The following LPCAT2 variants were observed in gnomAD, a reference collection of about 807,000 sequenced individuals.
LPCAT2 encodes the protein lysophosphatidylcholine acyltransferase 2.
A neutral mutation model predicts 64.7 loss-of-function variants in LPCAT2; 58 were observed. The ratio of observed to expected loss-of-function variants is 0.90; its 90% CI spans 0.73 to 1.12. The LOEUF (loss-of-function observed/expected upper bound fraction) is 1.12, where lower values mean the gene tolerates loss of function less well. LPCAT2 is among the 50% of genes most tolerant of loss of function. The probability of loss-of-function intolerance (pLI) is 0.00; values close to 1 mark genes in which losing one functional copy is unlikely to be tolerated. For synonymous variants in LPCAT2, 252 were observed against 245.3 expected (o/e 1.03, Z -0.26); for missense variants, 579 against 669.8 (o/e 0.86, Z 1.50).
chr16:55,553,415 C>T (rs1963540565), intron 11 of LPCAT2, among the ~76,000 whole-genome samples: 1 of 152,182 alleles, frequency 6.6e-6, no homozygotes, highest in Non-Finnish European at 1.5e-5. Flanking sequence ...GCATCTTCAT[C>T]AGGAGTAGTT....
rs1217446572 is a variant in LPCAT2 at position 55,570,694 on chromosome 16, A to G, written c.1216-3937A>G. ...ATATTTGTGGAGGCACTTACAAAGT[A>G]TGGATATCTAATGTGCCTACTGATC... On this transcript the variant is annotated intron_variant, in intron 11 of 13. Coordinates refer to ENST00000262134, the MANE Select transcript of LPCAT2 (RefSeq NM_017839.5). Among the ~76,000 whole-genome samples the G allele has an allele frequency of 2.0e-5, 3 of 152,236 alleles. No homozygotes were observed. In the East Asian group the frequency reaches 5.8e-4, roughly 29 times the overall value.
At chr16:55,523,496 G>A (rs547585380) in intron 1 of LPCAT2, among the ~76,000 whole-genome samples, 5 of 151,856 alleles carry the variant, frequency 3.3e-5, no homozygotes, top group South Asian at 2.1e-4. Context: ...ATGTTCATAT[G>A]AGGTATAATA....
intron 13 of LPCAT2, among the ~76,000 whole-genome samples, chr16:55,582,104 TGC>T (rs1963892842): frequency 1.3e-5 from 2 of 152,146 alleles, no homozygotes; most frequent in African/African-American, 4.8e-5. Context: ...TTTTTTAAAT[TGC>T]TAGAAAGAAC....
chr16:55,552,859 G>A (rs1466436959), intron 11 of LPCAT2, among the ~76,000 whole-genome samples: 31 of 127,350 alleles, frequency 2.4e-4, no homozygotes, highest in South Asian at 5.4e-4. Flanking sequence ...GGTAGTTGCT[G>A]AAGGCTGGGC....
chr16:55,550,905 G>C, intron 10 of LPCAT2, 44 bp from the exon 11 acceptor site: 1 of 1,419,384 alleles, frequency 7.0e-7, no homozygotes, highest in Non-Finnish European at 9.4e-7. Flanking sequence ...CATGTGAATT[G>C]TAAAGGGCTA....
In LPCAT2 at chr16:55,534,484, C is replaced by T; in HGVS notation, c.797+7C>T. 2 of 1,398,834 alleles carry T rather than the reference C, an allele frequency of 1.4e-6. No homozygotes were observed. The highest frequency in any genetic ancestry group is 2.0e-6 in the Non-Finnish European group (2 of 1,018,196). The allele number at this position is 1,398,834 out of a possible 1,614,324, so 86.7% of individuals were successfully genotyped here. A position where few individuals can be genotyped will look rare whatever the true frequency, so the allele number is the denominator to read the frequency against. Reference sequence around the variant, plus strand: ...CATGGCAAGGATATACATTGTAAGTCACTTATGTCTATTATTAGTTTATAT... The same window carrying T: ...CATGGCAAGGATATACATTGTAAGTTACTTATGTCTATTATTAGTTTATAT... On this transcript the variant is annotated splice_region_variant and intron_variant, in intron 7 of 13. Coordinates refer to ENST00000262134, the MANE Select transcript of LPCAT2 (RefSeq NM_017839.5).
Position 55,586,241 on chromosome 16 carries a change from T to G in LPCAT2, c.*3143T>G, listed in dbSNP as rs1372794785. 5 of 152,116 alleles carry G rather than the reference T, an allele frequency of 3.3e-5. No individual in the cohort carries two copies. Among genetic ancestry groups the G allele is most frequent in the Non-Finnish European group, 7.4e-5 (5 of 68,022 alleles). The allele number at this position is 152,116 out of a possible 1,614,324, so 9.4% of individuals were successfully genotyped here. ...AGAACTTTTGCCCTTTTTACCCCAT[T>G]TACTGTAACTCTTGTTTCTAGGTAA... On this transcript the variant is annotated 3_prime_UTR_variant, in exon 14 of 14. Coordinates refer to ENST00000262134, the MANE Select transcript of LPCAT2 (RefSeq NM_017839.5).
chr16:55,547,940 G>C (rs576903355), intron 9 of LPCAT2, among the ~76,000 whole-genome samples: 2 of 152,116 alleles, frequency 1.3e-5, no homozygotes, highest in South Asian at 2.1e-4. Context: ...GCTAATTTTT[G>C]TATTTTTAGT....
intron 11 of LPCAT2, chr16:55,566,617 C>A: frequency 1.2e-6 from 1 of 854,168 alleles, no homozygotes; most frequent in Non-Finnish European, 1.8e-6. Context: ...GGATGTGAAA[C>A]ATCACATCAT....
chr16:55,582,793 T>A lies in LPCAT2; in HGVS notation c.1451-121T>A, dbSNP rs1311065002. 4.7e-6 allele frequency: 3 copies of A among 633,964 alleles called. 1 individual carries two copies. Among genetic ancestry groups the A allele is most frequent in the Non-Finnish European group, 8.1e-6 (3 of 368,292 alleles). 39.3% of individuals were successfully genotyped at this position (633,964 alleles called of 1,614,324 possible). A position where few individuals can be genotyped will look rare whatever the true frequency, so the allele number is the denominator to read the frequency against. ...GTACAACTTATATTTTCATCAGCAA[T>A]GTTTGTGTGTTGGGTAGTAGAATTT... On this transcript the variant is annotated intron_variant, in intron 13 of 13. Coordinates refer to ENST00000262134, the MANE Select transcript of LPCAT2 (RefSeq NM_017839.5).
intron 1 of LPCAT2, among the ~76,000 whole-genome samples, chr16:55,512,233 A>G (rs1962942667): frequency 6.6e-6 from 1 of 152,222 alleles, no homozygotes; most frequent in African/African-American, 2.4e-5. Flanking sequence ...TTTTCAAGTG[A>G]ATAATAATAA....
At chr16:55,534,800 A>G (rs938221437) in intron 7 of LPCAT2, among the ~76,000 whole-genome samples, 14 of 152,014 alleles carry the variant, frequency 9.2e-5, no homozygotes, top group African/African-American at 1.7e-4. Flanking sequence ...TTTTATTTCC[A>G]TTGCAGATTT....
At chr16:55,577,578 G>C (rs974206971) in intron 12 of LPCAT2, among the ~76,000 whole-genome samples, 2 of 152,058 alleles carry the variant, frequency 1.3e-5, no homozygotes, top group Non-Finnish European at 2.9e-5. Context: ...AAAGTGATTT[G>C]AACACTTTTG....
At chr16:55,564,752 C>T (rs1343087806) in intron 11 of LPCAT2, among the ~76,000 whole-genome samples, 2 of 151,880 alleles carry the variant, frequency 1.3e-5, no homozygotes, top group East Asian at 1.9e-4. Context: ...TCAGTGAAAA[C>T]AGAGGAAAAG....
chr16:55,523,663 G>T (rs1347446862), intron 1 of LPCAT2, among the ~76,000 whole-genome samples: 1 of 151,766 alleles, frequency 6.6e-6, no homozygotes, highest in African/African-American at 2.4e-5. Context: ...GATCAAGCCA[G>T]ATATAAAAGG....
intron 11 of LPCAT2, among the ~76,000 whole-genome samples, chr16:55,572,825 C>T (rs1218243867): frequency 6.6e-6 from 1 of 152,006 alleles, no homozygotes; most frequent in Non-Finnish European, 1.5e-5. Flanking sequence ...AGAGTAAGAG[C>T]ATATCTTTAA....
intron 4 of LPCAT2, among the ~76,000 whole-genome samples, chr16:55,530,497 G>A (rs982560877): frequency 2.5e-4 from 38 of 151,030 alleles, no homozygotes; most frequent in African/African-American, 4.4e-4. Flanking sequence ...GGGGGTGGGG[G>A]GGGGGTAACA....
intron 11 of LPCAT2, among the ~76,000 whole-genome samples, chr16:55,555,661 A>G (rs1020752147): frequency 6.6e-6 from 1 of 152,170 alleles, no homozygotes; most frequent in Non-Finnish European, 1.5e-5. Context: ...CTGTTAAGCA[A>G]CCTTCTTTTA....
At chr16:55,550,081 A>C (rs570380063) in intron 10 of LPCAT2, among the ~76,000 whole-genome samples, 3 of 152,334 alleles carry the variant, frequency 2.0e-5, no homozygotes, top group Admixed American at 6.5e-5. Flanking sequence ...ATCAAAGTTC[A>C]GTATTAAAGT....
Sources: allele counts gnomAD v4.1 joint callset (sites outside exome capture counted in the v4.1 genomes callset), GRCh38; gene constraint gnomAD v4.1.1; transcripts MANE v1.5; gene names NCBI Gene and HGNC (gene_info 2026-07-23, HGNC 2026-07-21).